The following TRPC4AP variants were observed in gnomAD, a reference collection of about 807,000 sequenced individuals.
TRPC4AP encodes the protein short transient receptor potential channel 4-associated protein.
In TRPC4AP, 45 loss-of-function variants were observed where a neutral mutation model predicts 99.0. That is an observed-to-expected ratio of 0.45 (90% confidence interval 0.36 to 0.58). The LOEUF (loss-of-function observed/expected upper bound fraction) is 0.58. Ranked by LOEUF, TRPC4AP falls within the 20% of genes least tolerant of loss-of-function variation. The pLI, the probability that TRPC4AP is intolerant of heterozygous loss-of-function variation, is 0.00. For synonymous variants in TRPC4AP, 408 were observed against 385.8 expected (o/e 1.06, Z -0.67); for missense variants, 879 against 985.3 (o/e 0.89, Z 1.44).
chr20:35,088,053 C>G (rs1333086148), intron 1 of TRPC4AP, among the ~76,000 whole-genome samples: 1 of 152,140 alleles, frequency 6.6e-6, no homozygotes, highest in Non-Finnish European at 1.5e-5. Context: ...AAAGGAGAAA[C>G]ACGAATGGAA....
At chr20:35,024,838 A>C (rs993662978) in intron 8 of TRPC4AP, among the ~76,000 whole-genome samples, 9 of 120,716 alleles carry the variant, frequency 7.5e-5, no homozygotes, top group Non-Finnish European at 9.0e-5. Context: ...AAAAAAAAAA[A>C]AAAAAAAAAA....
intron 1 of TRPC4AP, among the ~76,000 whole-genome samples, chr20:35,090,734 G>A (rs2085036002): frequency 6.6e-6 from 1 of 152,108 alleles, no homozygotes; most frequent in African/African-American, 2.4e-5. Flanking sequence ...AACAAATTAA[G>A]TTGCCTAAAT....
At chr20:35,078,281 T>C (rs1371820486) in intron 1 of TRPC4AP, 107 bp from the exon 2 acceptor site, 1 of 1,200,296 alleles carries the variant, frequency 8.3e-7, no homozygotes, top group African/African-American at 1.5e-5. Context: ...CAGTTACAAA[T>C]TTATCTCTAA....
At chr20:35,049,058 A>T (rs2083630953) in intron 6 of TRPC4AP, among the ~76,000 whole-genome samples, 1 of 152,142 alleles carries the variant, frequency 6.6e-6, no homozygotes, top group African/African-American at 2.4e-5. Context: ...GCTCAACAGG[A>T]AGAGAAAGAA....
chr20:35,090,128 C>T (rs1292942354), intron 1 of TRPC4AP, among the ~76,000 whole-genome samples: 1 of 147,422 alleles, frequency 6.8e-6, no homozygotes, highest in Non-Finnish European at 1.5e-5. Context: ...AAGCAAATAA[C>T]TTATTCTGCA....
At chr20:35,008,830 G>T in intron 12 of TRPC4AP, 83 bp from the exon 13 acceptor site, 1 of 1,296,534 alleles carries the variant, frequency 7.7e-7, no homozygotes, top group Non-Finnish European at 1.1e-6. Flanking sequence ...GGCTTAGGCG[G>T]TGAAAAACCA....
chr20:35,071,119 T>C (rs2084302345), intron 2 of TRPC4AP, among the ~76,000 whole-genome samples: 1 of 152,196 alleles, frequency 6.6e-6, no homozygotes, highest in East Asian at 1.9e-4. Context: ...AATATGAAAA[T>C]GTCTCTTCTT....
At chr20:35,010,310 G>A in intron 11 of TRPC4AP, 22 bp from the exon 12 acceptor site, 3 of 1,607,944 alleles carry the variant, frequency 1.9e-6, no homozygotes, top group Non-Finnish European at 2.6e-6. Flanking sequence ...TGGGTTGGAG[G>A]AGGTAAAGGA....
intron 8 of TRPC4AP, among the ~76,000 whole-genome samples, chr20:35,028,211 C>T (rs1600541250): frequency 2.7e-5 from 4 of 147,068 alleles, no homozygotes; most frequent in Non-Finnish European, 3.0e-5. Flanking sequence ...AAAATATTTC[C>T]TTTTTTTTTT....
At chr20:35,053,398 T>C (rs903685705) in intron 5 of TRPC4AP, among the ~76,000 whole-genome samples, 1 of 152,256 alleles carries the variant, frequency 6.6e-6, no homozygotes, top group Non-Finnish European at 1.5e-5. Flanking sequence ...TTAGGTATCA[T>C]GATTTTAAAA....
intron 7 of TRPC4AP, among the ~76,000 whole-genome samples, chr20:35,040,387 C>G (rs906936342): frequency 6.6e-6 from 1 of 152,182 alleles, no homozygotes; most frequent in Non-Finnish European, 1.5e-5. Flanking sequence ...AAGGGATTCT[C>G]CCCCTTCTGG....
At chr20:35,015,130 G>C (rs1600514197) in intron 10 of TRPC4AP, among the ~76,000 whole-genome samples, 1 of 149,044 alleles carries the variant, frequency 6.7e-6, no homozygotes, top group East Asian at 2.0e-4. Context: ...CTCCTGAGTA[G>C]CAGGGATTAC....
chr20:35,056,450 A>C (rs985572794), intron 4 of TRPC4AP, among the ~76,000 whole-genome samples: 3 of 152,190 alleles, frequency 2.0e-5, no homozygotes, highest in Admixed American at 1.3e-4. Context: ...TACATAGAGA[A>C]CATGAAAGAC....
At chr20:35,059,878 CGAA>C (rs1312882553) in intron 3 of TRPC4AP, among the ~76,000 whole-genome samples, 1 of 149,496 alleles carries the variant, frequency 6.7e-6, no homozygotes, top group Non-Finnish European at 1.5e-5. Context: ...GAAGAAAAGA[CGAA>C]GACAAAGATG....
chr20:35,050,322 A>C (rs2083664255), intron 5 of TRPC4AP, among the ~76,000 whole-genome samples: 1 of 152,208 alleles, frequency 6.6e-6, no homozygotes, highest in East Asian at 1.9e-4. Context: ...GCATGGACTT[A>C]AGAGTCAGAC....
rs373424708 is a variant in TRPC4AP, at chr20:35,091,725, T to C, written c.168+889A>G. On this transcript the variant is annotated intron_variant, in intron 1 of 18. Coordinates refer to ENST00000252015, the MANE Select transcript of TRPC4AP (RefSeq NM_015638.3). The stretch of plus-strand genomic sequence containing the variant: ...GCTCACTCAAAAATAACAATAATCA[T>C]ATGTTGGGCACCTGTTATAAGTCAG... Among the ~76,000 whole-genome samples the C allele has an allele frequency of 6.6e-5, 10 of 151,918 alleles. 1 individual carries two copies. Among genetic ancestry groups the C allele is most frequent in the Admixed American group, 5.9e-4 (9 of 15,258 alleles).
chr20:35,003,271 T>G lies in TRPC4AP; in HGVS notation c.2269A>C (p.Ser757Arg), dbSNP rs1359800865. The G allele has an allele frequency of 1.2e-6, 2 of 1,613,978 alleles. No homozygotes were observed. Among genetic ancestry groups the G allele is most frequent in the Non-Finnish European group, 1.7e-6 (2 of 1,179,988 alleles). The change falls in exon 19 of 19, where the codon AGC becomes CGC. Residue 757 changes from serine to arginine, a missense_variant. By Grantham distance (110) the Ser-to-Arg change is moderately radical. Around this residue, in one of 3 missense-constraint regions of TRPC4AP, gnomAD observed 224 missense variants for 264.7 expected, o/e 0.85. Coordinates refer to ENST00000252015, the MANE Select transcript of TRPC4AP (RefSeq NM_015638.3). The part of the protein sequence containing the change: ...STCLENSSCI[S>R]FSYWKETVSI... ...ACTGTCTCCTTCCAGTATGAGAAGC[T>G]GATGCAGGAGCTCTGGGCAAAGAGG... is the stretch of plus-strand genomic sequence containing the variant.
chr20:35,044,836 C>A, intron 6 of TRPC4AP, 124 bp from the exon 7 acceptor site: 1 of 851,540 alleles, frequency 1.2e-6, no homozygotes, highest in Non-Finnish European at 1.8e-6. Context: ...CCTATCCCAG[C>A]TCTGTAACTT....
chr20:35,006,379 CCA>C (rs1363376438), intron 15 of TRPC4AP, 54 bp downstream of exon 15: 1 of 1,592,004 alleles, frequency 6.3e-7, no homozygotes, highest in Non-Finnish European at 8.6e-7. Flanking sequence ...GACCAGGACT[CCA>C]GGTGAACTTC....
Sources: gnomAD v4.1 joint callset for allele counts (sites outside exome capture counted in the v4.1 genomes callset) on GRCh38, gnomAD v4.1.1 for gene constraint, gnomAD v4.1.1 regional missense constraint, MANE v1.5 for transcripts, NCBI Gene and HGNC (gene_info 2026-07-23, HGNC 2026-07-21) for gene names.